ZNF804A: variants seen among roughly 807,000 people sequenced by gnomAD.
ZNF804A encodes zinc finger protein 804A.
A neutral mutation model predicts 16.5 loss-of-function variants in ZNF804A; 2 were observed. The observed-to-expected ratio is 0.12, with a 90% CI of 0.05 to 0.38. The LOEUF is 0.38. Among genes scored for constraint, ZNF804A ranks in the 10% least tolerant of loss-of-function variants. ZNF804A has a pLI of 0.99. For synonymous variants in ZNF804A, 534 were observed against 489.6 expected (o/e 1.09, Z -1.20); for missense variants, 1,473 against 1,390.7 (o/e 1.06, Z -0.94).
At chr2:184,825,329 T>G (rs955048961) in intron 1 of ZNF804A, among the ~76,000 whole-genome samples, 1 of 152,174 alleles carries the variant, frequency 6.6e-6, no homozygotes, top group Non-Finnish European at 1.5e-5. Flanking sequence ...ACAGATAAGT[T>G]TATATATCAG....
chr2:184,679,305 G>A (rs1165933577), intron 1 of ZNF804A, among the ~76,000 whole-genome samples: 2 of 152,228 alleles, frequency 1.3e-5, no homozygotes, highest in African/African-American at 4.8e-5. Context: ...AAGGTAGATG[G>A]GTCATTGCGA....
intron 1 of ZNF804A, among the ~76,000 whole-genome samples, chr2:184,776,001 A>T (rs10196799): frequency 0.35 from 52,783 of 151,354 alleles, 11,054 homozygotes; most frequent in East Asian, 0.48. Context: ...TAAAACTGAT[A>T]GAGCTAGAAA....
intron 1 of ZNF804A, among the ~76,000 whole-genome samples, chr2:184,855,611 T>TAC (rs751993732): frequency 7.0e-6 from 1 of 142,208 alleles, no homozygotes; most frequent in Admixed American, 6.9e-5. Context: ...CATATATATA[T>TAC]ATATACACAC....
chr2:184,688,153 T>G (rs546086037), intron 1 of ZNF804A, among the ~76,000 whole-genome samples: 46 of 152,108 alleles, frequency 3.0e-4, no homozygotes, highest in African/African-American at 1.1e-3. Context: ...AACAATTTTA[T>G]AAACATATAA....
chr2:184,708,941 T>A (rs996322031), intron 1 of ZNF804A, among the ~76,000 whole-genome samples: 3 of 152,044 alleles, frequency 2.0e-5, no homozygotes, highest in Non-Finnish European at 2.9e-5. Flanking sequence ...TCACACACCC[T>A]CGAAACTCCA....
chr2:184,811,451 A>C (rs58925756), intron 1 of ZNF804A, among the ~76,000 whole-genome samples: 121,828 of 151,710 alleles, frequency 0.8, 49,074 homozygotes, highest in East Asian at 0.86. Context: ...TAGTATCATT[A>C]TTAGATACCT....
At chr2:184,620,229 G>A (rs117107763) in intron 1 of ZNF804A, among the ~76,000 whole-genome samples, 1,675 of 151,772 alleles carry the variant, frequency 0.011, 26 homozygotes, top group South Asian at 0.059. Context: ...CAAATATTGC[G>A]TTATAATTCT....
At chr2:184,637,670 G>A (rs960860000) in intron 1 of ZNF804A, among the ~76,000 whole-genome samples, 4 of 17,402 alleles carry the variant, frequency 2.3e-4, no homozygotes, top group Admixed American at 6.3e-4. Flanking sequence ...ATACTCTGCA[G>A]GCATAATTTA....
intron 1 of ZNF804A, among the ~76,000 whole-genome samples, chr2:184,847,829 C>A (rs1341061801): frequency 6.6e-6 from 1 of 151,968 alleles, no homozygotes; most frequent in Non-Finnish European, 1.5e-5. Flanking sequence ...TCAAAAATGA[C>A]TCAGAGAACT....
intron 1 of ZNF804A, among the ~76,000 whole-genome samples, chr2:184,740,125 T>A (rs1460600966): frequency 6.6e-6 from 1 of 152,202 alleles, no homozygotes; most frequent in Non-Finnish European, 1.5e-5. Context: ...AAGGGACTCA[T>A]AGTCTCATAC....
At chr2:184,606,255 G>T (rs1691142579) in intron 1 of ZNF804A, among the ~76,000 whole-genome samples, 1 of 152,138 alleles carries the variant, frequency 6.6e-6, no homozygotes, top group Non-Finnish European at 1.5e-5. Context: ...TTTCCACGTG[G>T]CTGGGGAGGC....
At chr2:184,728,784 T>C (rs1219767790) in intron 1 of ZNF804A, among the ~76,000 whole-genome samples, 1 of 151,950 alleles carries the variant, frequency 6.6e-6, no homozygotes, top group African/African-American at 2.4e-5. Context: ...AGTGTGTTAG[T>C]CTCTTTTTCT....
chr2:184,651,720 CAA>C (rs1559117887), intron 1 of ZNF804A, among the ~76,000 whole-genome samples: 4 of 151,958 alleles, frequency 2.6e-5, no homozygotes, highest in Admixed American at 6.6e-5. Context: ...CAGAAAAATG[CAA>C]ATCAGAATCA....
rs374856235 is a variant in ZNF804A at position 184,673,466 on chromosome 2, A to G, written c.111+74396A>G. Reference sequence around the variant, plus strand: ...GCTGAAATCAGATTCAGCTTTGATGAAGCTTATTTAGAATAAATATTGCTT... The same window carrying G: ...GCTGAAATCAGATTCAGCTTTGATGGAGCTTATTTAGAATAAATATTGCTT... On this transcript the variant is annotated intron_variant, in intron 1 of 3. Transcript: ENST00000302277. Among the ~76,000 whole-genome samples, 9 of 152,330 alleles carry G rather than the reference A, an allele frequency of 5.9e-5. No individual in the cohort carries two copies. The South Asian group carries it at 1.9e-3, about 32-fold the overall frequency.
At chr2:184,853,038 T>C (rs566051615) in intron 1 of ZNF804A, among the ~76,000 whole-genome samples, 19 of 151,820 alleles carry the variant, frequency 1.3e-4, no homozygotes, top group Admixed American at 2.6e-4. Flanking sequence ...TTGCCTAGGA[T>C]GAATATTTTA....
At chr2:184,678,963 C>T (rs192247661) in intron 1 of ZNF804A, among the ~76,000 whole-genome samples, 10 of 152,032 alleles carry the variant, frequency 6.6e-5, no homozygotes, top group African/African-American at 2.4e-4. Context: ...GGAAACAAAC[C>T]ATACATATTA....
chr2:184,775,406 GT>G (rs1367406202), intron 1 of ZNF804A, among the ~76,000 whole-genome samples: 1 of 151,644 alleles, frequency 6.6e-6, no homozygotes, highest in East Asian at 1.9e-4. Context: ...GTGAAGGAAA[GT>G]TTTAACTTAA....
chr2:184,710,663 CT>C (rs769578899), intron 1 of ZNF804A, among the ~76,000 whole-genome samples: 6 of 151,616 alleles, frequency 4.0e-5, no homozygotes, highest in Non-Finnish European at 8.9e-5. Flanking sequence ...AAAAGAACTC[CT>C]TATTTTTTTC....
intron 1 of ZNF804A, among the ~76,000 whole-genome samples, chr2:184,630,377 A>G (rs994548400): frequency 6.6e-6 from 1 of 152,096 alleles, no homozygotes; most frequent in African/African-American, 2.4e-5. Context: ...GTCCCTTTTA[A>G]CAGTGGGTAG....
Sources: allele counts gnomAD v4.1 joint callset (sites outside exome capture counted in the v4.1 genomes callset), GRCh38; gene constraint gnomAD v4.1.1; transcripts MANE v1.5; gene names NCBI Gene and HGNC (gene_info 2026-07-23, HGNC 2026-07-21).